The following TRIOBP variants were observed in gnomAD, a reference collection of about 807,000 sequenced individuals.
TRIOBP encodes TRIO and F-actin binding protein.
A neutral mutation model predicts 238.8 loss-of-function variants in TRIOBP; 169 were observed. The observed-to-expected ratio is 0.71, with a 90% confidence interval of 0.62 to 0.80. The LOEUF (loss-of-function observed/expected upper bound fraction) is 0.80, where lower values mean the gene tolerates loss of function less well. Ranked by LOEUF, TRIOBP falls within the 30% of genes least tolerant of loss-of-function variation. The pLI is 0.00. For synonymous variants in TRIOBP, 1,150 were observed against 1,274.4 expected, an observed-to-expected ratio of 0.90 and a Z score of 2.08; for missense variants, 2,838 against 3,122.6, an observed-to-expected ratio of 0.91 and a Z score of 2.17.
rs1169775798 is a variant in TRIOBP, at chr22:37,723,724, GC to G, written c.1170del (p.Ser391ProfsTer488). ...CTGTGTCCAGCAGGACGATCCCAGA[GC>G]CTCCTCTCCCAACAGAACCACTCAA... ...TPCVQQDDPR[A>X]SSPNRTTQRE... is the part of the protein sequence containing the mutation. On this transcript the variant is annotated frameshift_variant, in exon 7 of 24. Transcript: ENST00000644935. LOFTEE classifies it high-confidence loss of function. 2 of 1,604,858 alleles carry G rather than the reference GC, an allele frequency of 1.2e-6. No individual in the cohort carries two copies. Among genetic ancestry groups the G allele is most frequent in the East Asian group, 4.5e-5 (2 of 44,116 alleles).
At chr22:37,746,262 C>A in intron 11 of TRIOBP, 1 of 1,079,854 alleles carries the variant, frequency 9.3e-7, no homozygotes, top group East Asian at 6.0e-5. Flanking sequence ...GGGGCCGGGG[C>A]AGCGTCGGGG....
chr22:37,740,521 G>A (rs1034342864), intron 10 of TRIOBP, among the ~76,000 whole-genome samples: 21 of 152,170 alleles, frequency 1.4e-4, no homozygotes, highest in African/African-American at 4.1e-4. Flanking sequence ...CACATCTTTC[G>A]ATATTTCAAG....
At chr22:37,771,254 T>A (rs547421782) in intron 21 of TRIOBP, among the ~76,000 whole-genome samples, 1 of 152,306 alleles carries the variant, frequency 6.6e-6, no homozygotes, top group African/African-American at 2.4e-5. Flanking sequence ...ACTTGTTTCC[T>A]CCTTGGTCAA....
At chr22:37,746,044 C>CCCCGCCGTCCCGCTGT (rs1555898787) in intron 11 of TRIOBP, among the ~76,000 whole-genome samples, 1 of 134,548 alleles carries the variant, frequency 7.4e-6, no homozygotes, top group Non-Finnish European at 1.6e-5. Flanking sequence ...CATCCGCCCA[C>CCCCGCCGTCCCGCTGT]CCCGCCGTCC....
chr22:37,714,230 G>A (rs535009907), intron 5 of TRIOBP, among the ~76,000 whole-genome samples: 1 of 152,340 alleles, frequency 6.6e-6, no homozygotes, highest in East Asian at 1.9e-4. Context: ...AGTCCCACAT[G>A]CGGAACTCTG....
At chr22:37,749,815 C>T (rs1601651945) in intron 11 of TRIOBP, among the ~76,000 whole-genome samples, 1 of 149,446 alleles carries the variant, frequency 6.7e-6, no homozygotes, top group Admixed American at 6.7e-5. Flanking sequence ...ATTAGCTGAG[C>T]ATGGTGGAGT....
At chr22:37,755,329 C>A in intron 14 of TRIOBP, 139 bp downstream of exon 14, 1 of 1,004,172 alleles carries the variant, frequency 1.0e-6, no homozygotes, top group South Asian at 1.4e-5. Flanking sequence ...TCTTCAGAGC[C>A]AGAGCTGTGA....
intron 5 of TRIOBP, among the ~76,000 whole-genome samples, chr22:37,715,074 C>T (rs1045718880): frequency 6.6e-6 from 1 of 151,912 alleles, no homozygotes; most frequent in African/African-American, 2.4e-5. Context: ...GAGTGCAGTG[C>T]CACAATCTCA....
Position 37,725,604 on chromosome 22 carries a change from G to A in TRIOBP, c.3048G>A (p.Val1016=). ...AGCCCTCCCAGCCTCCATGTGCTGTGTGCATTGGGCACCGGGATGCCCCTC... is the reference window on the plus strand; with the variant it reads ...AGCCCTCCCAGCCTCCATGTGCTGTATGCATTGGGCACCGGGATGCCCCTC... ...SPEPSQPPCA[V]CIGHRDAPRA... The change falls in exon 7 of 24, where the codon GTG becomes GTA. Residue 1016 remains valine, a synonymous_variant. Coordinates refer to ENST00000644935, the MANE Select transcript of TRIOBP (RefSeq NM_001039141.3). 6.2e-7 allele frequency: 1 copy of A among 1,613,936 alleles called. No individual in the cohort carries two copies. Among genetic ancestry groups the A allele is most frequent in the Non-Finnish European group, 8.5e-7 (1 of 1,179,970 alleles).
chr22:37,711,617 A>G (rs534019677), intron 4 of TRIOBP, among the ~76,000 whole-genome samples: 2 of 151,542 alleles, frequency 1.3e-5, no homozygotes, highest in Non-Finnish European at 2.9e-5. Flanking sequence ...AACAAAAAAA[A>G]ACCCACAAAA....
Position 37,723,392 on chromosome 22 carries a change from C to T in TRIOBP, c.836C>T (p.Ser279Phe). The change falls in exon 7 of 24, where the codon TCC becomes TTC. Residue 279 changes from serine to phenylalanine, a missense_variant. Around this residue, in one of 5 missense-constraint regions of TRIOBP, gnomAD observed 535 missense variants for 537.3 expected, o/e 1.00. Transcript: ENST00000644935. ...AASTREIPRASSPHRITQRDT... is the reference protein window; with the variant it reads ...AASTREIPRAFSPHRITQRDT... ...TCTACACGTGAAATCCCCAGAGCCT[C>T]CTCTCCCCATCGAATCACCCAAAGG... is the stretch of plus-strand genomic sequence containing the variant. The T allele has an allele frequency of 6.2e-7, 1 of 1,614,064 alleles. No homozygotes were observed.
Position 37,758,080 on chromosome 22 carries a change from A to C in TRIOBP, c.6155A>C (p.Gln2052Pro), listed in dbSNP as rs1194310420. 3 of 1,611,660 alleles carry C rather than the reference A, an allele frequency of 1.9e-6. No individual in the cohort carries two copies. Among genetic ancestry groups the C allele is most frequent in the Non-Finnish European group, 2.5e-6 (3 of 1,179,978 alleles). The stretch of plus-strand genomic sequence containing the variant: ...GTGCCCCTCACTGCCCTGCTCAACC[A>C]AAGCCGCGGAGAGCGCCGAGGGCCC... ...KRVPLTALLN[Q>P]SRGERRGPPS... The change falls in exon 16 of 24, where the codon CAA (glutamine) becomes CCA (proline). Residue 2052 changes from glutamine (Q) to proline (P), a missense_variant. Gln to Pro is a moderately conservative substitution (Grantham distance 76). Coordinates refer to ENST00000644935, the MANE Select transcript of TRIOBP (RefSeq NM_001039141.3).
intron 7 of TRIOBP, among the ~76,000 whole-genome samples, chr22:37,728,804 T>A (rs781450533): frequency 2.0e-5 from 3 of 152,218 alleles, no homozygotes; most frequent in Non-Finnish European, 4.4e-5. Flanking sequence ...CACCCAAAGT[T>A]TAGGGTTCAC....
intron 11 of TRIOBP, among the ~76,000 whole-genome samples, chr22:37,742,257 G>GTTTTTTTTT (rs762341330): frequency 9.7e-6 from 1 of 102,778 alleles, no homozygotes; most frequent in Non-Finnish European, 1.8e-5. Flanking sequence ...CACGCCAGGC[G>GTTTTTTTTT]TTTTTTTTTT....
intron 12 of TRIOBP, among the ~76,000 whole-genome samples, chr22:37,754,417 C>CAAA (rs11428898): frequency 1.1e-4 from 9 of 82,796 alleles, no homozygotes; most frequent in Admixed American, 4.0e-4. Context: ...TCCTCCATCT[C>CAAA]AAAAAAAAAA....
intron 17 of TRIOBP, among the ~76,000 whole-genome samples, chr22:37,763,849 C>T (rs1489015928): frequency 1.3e-5 from 2 of 152,186 alleles, no homozygotes; most frequent in East Asian, 3.9e-4. Flanking sequence ...CGAGTCTTGC[C>T]GCGCTGCAGC....
chr22:37,760,904 G>A (rs1233767997), intron 17 of TRIOBP, among the ~76,000 whole-genome samples: 10 of 151,420 alleles, frequency 6.6e-5, no homozygotes, highest in South Asian at 4.2e-4. Flanking sequence ...CCCAGGAGGC[G>A]CAGGTTGCAG....
At chr22:37,772,534 C>T (rs1224119427) in intron 22 of TRIOBP, 67 bp from the exon 23 acceptor site, 1 of 1,609,714 alleles carries the variant, frequency 6.2e-7, no homozygotes, top group Non-Finnish European at 8.5e-7. Flanking sequence ...TGGTGCTGCC[C>T]ATGTGCCCGG....
intron 21 of TRIOBP, among the ~76,000 whole-genome samples, chr22:37,770,295 G>C (rs1426346203): frequency 6.7e-6 from 1 of 149,232 alleles, no homozygotes; most frequent in Non-Finnish European, 1.5e-5. Context: ...AAAATTACCC[G>C]GGCGTGGTGG....
Sources: allele counts gnomAD v4.1 joint callset (sites outside exome capture counted in the v4.1 genomes callset), GRCh38; gene constraint gnomAD v4.1.1; regional missense constraint gnomAD v4.1.1; transcripts MANE v1.5; gene names NCBI Gene and HGNC (gene_info 2026-07-23, HGNC 2026-07-21).